The following WRN variants were observed in gnomAD, a reference collection of about 807,000 sequenced individuals.
The protein encoded by WRN is WRN RecQ like helicase.
WRN carries 149 observed loss-of-function variants against 180.7 expected under a neutral mutation model. That is an observed-to-expected ratio of 0.82 (90% confidence interval 0.72 to 0.94). The LOEUF (loss-of-function observed/expected upper bound fraction) is 0.94, where lower values mean the gene tolerates loss of function less well. WRN is among the 40% of genes least tolerant of loss of function. The probability of loss-of-function intolerance (pLI) is 0.00; values close to 1 mark genes in which losing one functional copy is unlikely to be tolerated. For synonymous variants in WRN, 548 were observed against 568.9 expected, an observed-to-expected ratio of 0.96 and a Z score of 0.52; for missense variants, 1,661 against 1,700.1, an observed-to-expected ratio of 0.98 and a Z score of 0.40.
intron 16 of WRN, among the ~76,000 whole-genome samples, chr8:31,094,391 G>C (rs1196495914): frequency 2.0e-5 from 3 of 150,286 alleles, no homozygotes; most frequent in African/African-American, 7.4e-5. Flanking sequence ...TGTCTCCCGG[G>C]CTGGAGTGCA....
At chr8:31,037,908 G>A in intron 1 of WRN, among the ~76,000 whole-genome samples, 1 of 152,048 alleles carries the variant, frequency 6.6e-6, no homozygotes, top group Admixed American at 6.5e-5. Context: ...CCCATGTTGT[G>A]GCATGTATCA....
At chr8:31,084,726 A>T (rs1220506480) in intron 10 of WRN, among the ~76,000 whole-genome samples, 3 of 152,220 alleles carry the variant, frequency 2.0e-5, no homozygotes, top group Non-Finnish European at 4.4e-5. Context: ...TGATTTATTT[A>T]AAGATATTAC....
At chr8:31,091,586 C>T (rs1439905317) in intron 15 of WRN, among the ~76,000 whole-genome samples, 1 of 151,940 alleles carries the variant, frequency 6.6e-6, no homozygotes, top group Admixed American at 6.6e-5. Flanking sequence ...CAACCTATTC[C>T]TTTACCCCCT....
chr8:31,159,821 T>C (rs952392552), intron 33 of WRN, among the ~76,000 whole-genome samples: 4 of 151,810 alleles, frequency 2.6e-5, no homozygotes, highest in African/African-American at 9.7e-5. Context: ...GGCATGCGCC[T>C]GTAATCCCAG....
intron 26 of WRN, among the ~76,000 whole-genome samples, chr8:31,142,252 A>G (rs1187469446): frequency 6.6e-6 from 1 of 152,062 alleles, no homozygotes; most frequent in Non-Finnish European, 1.5e-5. Context: ...CAGCCAGAAC[A>G]TTTTCTTGGT....
In WRN at chr8:31,089,004, A is replaced by G. The variant is rs17847588; in HGVS notation, c.1652+39A>G. 798 of 1,568,994 alleles carry G rather than the reference A, an allele frequency of 5.1e-4. 9 individuals are homozygous for G. In the East Asian group the frequency reaches 0.018, roughly 35 times the overall value. ...CATTTAATCAAATCACATATTTAGT[A>G]TTCTCTTTAAAACAAGGGAAAAGGC... On this transcript the variant is annotated intron_variant, in intron 13 of 34. Transcript: ENST00000298139.
Position 31,076,282 on chromosome 8 carries a change from A to C in WRN, c.834A>C (p.Pro278=). 6.2e-7 allele frequency: 1 copy of C among 1,611,352 alleles called. No homozygotes were observed. The highest frequency in any genetic ancestry group is 8.5e-7 in the Non-Finnish European group (1 of 1,178,076). The change falls in exon 8 of 35, where the codon CCA becomes CCC. Residue 278 remains proline, a synonymous_variant. Coordinates refer to ENST00000298139, the MANE Select transcript of WRN (RefSeq NM_000553.6). ...ATGCTTTCAGTAAATTGGAAAACCC[A>C]CGGAGGTTAAATATTACCTTTTTTT... The part of the protein sequence containing the change: ...LPHAFSKLEN[P]RRVSILLKDI...
chr8:31,163,127 C>G (rs1008609574), intron 33 of WRN, among the ~76,000 whole-genome samples: 1 of 152,198 alleles, frequency 6.6e-6, no homozygotes, highest in African/African-American at 2.4e-5. Context: ...CATGCGTGCT[C>G]ATTCACACTA....
intron 1 of WRN, among the ~76,000 whole-genome samples, chr8:31,051,654 C>T (rs1019266889): frequency 1.3e-5 from 2 of 152,162 alleles, no homozygotes; most frequent in Admixed American, 6.5e-5. Context: ...TAGGTCCACT[C>T]GTTTAGCTAT....
At chr8:31,116,979 A>G (rs1340411670) in intron 20 of WRN, among the ~76,000 whole-genome samples, 1 of 152,130 alleles carries the variant, frequency 6.6e-6, no homozygotes, top group Non-Finnish European at 1.5e-5. Flanking sequence ...GTGGGGTAGG[A>G]ATGGCACAAA....
intron 3 of WRN, among the ~76,000 whole-genome samples, chr8:31,063,792 T>G (rs1051313755): frequency 6.6e-6 from 1 of 152,202 alleles, no homozygotes. Context: ...GATGCGATCA[T>G]AGCTCACGCT....
chr8:31,119,718 A>G (rs1801648975), intron 20 of WRN, among the ~76,000 whole-genome samples: 1 of 151,734 alleles, frequency 6.6e-6, no homozygotes, highest in Admixed American at 6.6e-5. Flanking sequence ...ATGTCTTATC[A>G]CTAATTCTTC....
At chr8:31,076,594 T>C (rs1164419142) in intron 8 of WRN, among the ~76,000 whole-genome samples, 4 of 152,142 alleles carry the variant, frequency 2.6e-5, no homozygotes, top group Non-Finnish European at 5.9e-5. Flanking sequence ...CAAAATAAAT[T>C]ATACATTAAG....
Position 31,080,772 on chromosome 8 carries a change from G to C in WRN, c.840-95G>C, listed in dbSNP as rs11574221. On this transcript the variant is annotated intron_variant, in intron 8 of 34. Transcript: ENST00000298139. ...CTATTGATCTTTTAAGTGAAGGTCA[G>C]CTTAGAAAGCTTTTACTTGTTAAAA... 0.094 allele frequency: 98,081 copies of C among 1,039,568 alleles called. 4,991 individuals are homozygous for C. Among genetic ancestry groups the C allele is most frequent in the African/African-American group, 0.13 (7,967 of 61,656 alleles). The allele number at this position is 1,039,568 out of a possible 1,614,324, so 64.4% of individuals were successfully genotyped here. A position where few individuals can be genotyped will look rare whatever the true frequency, so the allele number is the denominator to read the frequency against.
intron 12 of WRN, 132 bp downstream of exon 12, chr8:31,088,052 C>G: frequency 6.8e-7 from 1 of 1,469,678 alleles, no homozygotes; most frequent in Non-Finnish European, 9.1e-7. Flanking sequence ...TCCTTATAAG[C>G]TTTTGTCTCC....
In WRN at chr8:31,157,424, C is replaced by G; in HGVS notation, c.3876C>G (p.Ser1292=). ...TCATGACAATTGGCATGCACTTATCCCAAGCGGTGAAAGCTGGCTGCCCCC... is the reference window on the plus strand; with the variant it reads ...TCATGACAATTGGCATGCACTTATCGCAAGCGGTGAAAGCTGGCTGCCCCC... ...LPLMTIGMHL[S]QAVKAGCPLD... is the part of the protein sequence containing the mutation. Residue 1292 remains serine, a synonymous_variant, in exon 33 of 35, where the codon TCC becomes TCG. Transcript: ENST00000298139. The G allele has an allele frequency of 6.2e-7, 1 of 1,614,068 alleles. No homozygotes were observed. The highest frequency in any genetic ancestry group is 8.5e-7 in the Non-Finnish European group (1 of 1,180,020).
At chr8:31,046,631 A>C (rs903448119) in intron 1 of WRN, among the ~76,000 whole-genome samples, 3 of 152,228 alleles carry the variant, frequency 2.0e-5, no homozygotes, top group Admixed American at 2.0e-4. Context: ...GGAGGGCAGA[A>C]ATTCACCTTC....
intron 20 of WRN, among the ~76,000 whole-genome samples, chr8:31,119,501 T>C (rs559177559): frequency 6.6e-6 from 1 of 152,070 alleles, no homozygotes; most frequent in South Asian, 2.1e-4. Flanking sequence ...TTAACTGCCC[T>C]TTTTTCTTAC....
At chr8:31,135,424 C>T (rs900626968) in intron 24 of WRN, among the ~76,000 whole-genome samples, 2 of 151,896 alleles carry the variant, frequency 1.3e-5, no homozygotes, top group African/African-American at 2.4e-5. Context: ...TTGTATAAGG[C>T]ACTGTATTAC....
Sources: gnomAD v4.1 joint callset for allele counts (sites outside exome capture counted in the v4.1 genomes callset) on GRCh38, gnomAD v4.1.1 for gene constraint, MANE v1.5 for transcripts, NCBI Gene and HGNC (gene_info 2026-07-23, HGNC 2026-07-21) for gene names.